The following SESN3 variants were observed in gnomAD, a reference collection of about 807,000 sequenced individuals.
SESN3 encodes the protein sestrin-3.
SESN3 carries 21 observed loss-of-function variants against 55.3 expected under a neutral mutation model. The observed-to-expected ratio is 0.38, with a 90% CI of 0.27 to 0.55. SESN3 has a LOEUF of 0.55. SESN3 is among the 20% of genes least tolerant of loss of function. The probability of loss-of-function intolerance (pLI) is 0.76; values close to 1 mark genes in which losing one functional copy is unlikely to be tolerated. For missense variants in SESN3, 408 were observed against 604.3 expected (o/e 0.68, Z 3.41); for synonymous variants, 181 against 203.1 (o/e 0.89, Z 0.93).
chr11:95,218,379 T>C (rs1209295357), intron 1 of SESN3, among the ~76,000 whole-genome samples: 3 of 152,252 alleles, frequency 2.0e-5, no homozygotes, highest in African/African-American at 4.8e-5. Context: ...GTAAAAACTC[T>C]GATGTTCTCA....
intron 4 of SESN3, among the ~76,000 whole-genome samples, chr11:95,189,267 C>T (rs12286989): frequency 7.0e-4 from 106 of 152,058 alleles, no homozygotes; most frequent in African/African-American, 2.4e-3. Flanking sequence ...CTCTATTTCT[C>T]GTCTAAGCTC....
chr11:95,213,393 C>A (rs920394086), intron 1 of SESN3, among the ~76,000 whole-genome samples: 6 of 152,116 alleles, frequency 3.9e-5, no homozygotes, highest in African/African-American at 1.4e-4. Context: ...AACAACTTTA[C>A]AAAGGAAAAA....
intron 1 of SESN3, among the ~76,000 whole-genome samples, chr11:95,208,060 A>AT (rs11375358): frequency 0.88 from 132,348 of 151,126 alleles, 58,376 homozygotes; most frequent in Middle Eastern, 0.93. Context: ...TATTGTCAGG[A>AT]TTATGGTATT....
In SESN3 at chr11:95,170,446, C is replaced by T. The variant is rs1859828623; in HGVS notation, c.*2809G>A. On this transcript the variant is annotated 3_prime_UTR_variant, in exon 10 of 10. Coordinates refer to ENST00000536441, the MANE Select transcript of SESN3 (RefSeq NM_144665.4). ...TGTGCTTTTCTCACGTACACTTGCA[C>T]ATTTAAGTTTGGCACAATGTGAGCG... 1 of 152,180 alleles carries T rather than the reference C, an allele frequency of 6.6e-6. No individual in the cohort carries two copies. The highest frequency in any genetic ancestry group is 1.5e-5 in the Non-Finnish European group (1 of 68,024). The allele number at this position is 152,180 out of a possible 1,614,324, so 9.4% of individuals were successfully genotyped here.
At chr11:95,195,987 TTAA>T (rs1393178395) in intron 1 of SESN3, among the ~76,000 whole-genome samples, 1 of 152,188 alleles carries the variant, frequency 6.6e-6, no homozygotes, top group African/African-American at 2.4e-5. Context: ...ATCTGTGTTT[TTAA>T]TAGTGTTGAG....
At chr11:95,193,391 T>C in intron 2 of SESN3, 66 bp downstream of exon 2, 2 of 909,476 alleles carry the variant, frequency 2.2e-6, no homozygotes, top group Non-Finnish European at 1.8e-6. Flanking sequence ...TAACAGGAGA[T>C]ATTCTTTGAT....
At chr11:95,188,296 TTATA>T (rs1860204136) in intron 4 of SESN3, among the ~76,000 whole-genome samples, 1 of 151,576 alleles carries the variant, frequency 6.6e-6, no homozygotes, top group Admixed American at 6.6e-5. Context: ...TATAGAATAT[TTATA>T]TATGTGTACC....
intron 1 of SESN3, chr11:95,204,058 C>T (rs1206967951): frequency 1.3e-5 from 2 of 152,070 alleles, no homozygotes; most frequent in South Asian, 2.1e-4. Context: ...AGAATATGTC[C>T]TTATATTTTA....
chr11:95,216,584 T>C (rs754689547), intron 1 of SESN3, among the ~76,000 whole-genome samples: 1 of 151,974 alleles, frequency 6.6e-6, no homozygotes, highest in African/African-American at 2.4e-5. Flanking sequence ...CTATAAATAA[T>C]CTATATCTAA....
At chr11:95,222,536 T>G (rs533936804) in intron 1 of SESN3, among the ~76,000 whole-genome samples, 10 of 152,328 alleles carry the variant, frequency 6.6e-5, no homozygotes, top group African/African-American at 2.4e-4. Context: ...ACTACTGATA[T>G]TTTTAAAATA....
In SESN3 at chr11:95,187,014, A is replaced by AT. The variant is rs575737284; in HGVS notation, c.526-1523dup. Reference sequence around the variant, plus strand: ...AACCACACATATCTATATTTTTCTGATTTTCAAATTTGACATTTTGACATG... The same window carrying AT: ...AACCACACATATCTATATTTTTCTGATTTTTCAAATTTGACATTTTGACATG... On this transcript the variant is annotated intron_variant, in intron 4 of 9. Coordinates refer to ENST00000536441, the MANE Select transcript of SESN3 (RefSeq NM_144665.4). 6.6e-3 allele frequency among the ~76,000 whole-genome samples: 1,007 copies of AT among 151,842 alleles called. 8 individuals carry two copies. The highest frequency in any genetic ancestry group is 0.011 in the Non-Finnish European group (744 of 67,778).
Position 95,230,620 on chromosome 11 carries a change from A to G in SESN3, c.78+163T>C. The G allele has an allele frequency of 1.7e-6, 1 of 574,682 alleles. No homozygotes were observed. Among genetic ancestry groups the G allele is most frequent in the Non-Finnish European group, 3.0e-6 (1 of 331,922 alleles). The allele number at this position is 574,682 out of a possible 1,614,324, so 35.6% of individuals were successfully genotyped here. On this transcript the variant is annotated intron_variant, in intron 1 of 9. Coordinates refer to ENST00000536441, the MANE Select transcript of SESN3 (RefSeq NM_144665.4). The surrounding 1 kb of genome is among the most constrained non-coding windows in gnomAD (Gnocchi z 4.6). ...GAAATAAAAAGCCGCAGTAGTCCAA[A>G]CCCTCCTGCCCTCAACCCACGCCCC...
At chr11:95,222,120 C>T (rs139042399) in intron 1 of SESN3, among the ~76,000 whole-genome samples, 245 of 152,274 alleles carry the variant, frequency 1.6e-3, no homozygotes, top group Admixed American at 2.6e-3. Flanking sequence ...ACAGCCATCC[C>T]TTATAAAACA....
upstream of SESN3, chr11:95,231,245 TC>T (rs1861062221): frequency 5.1e-6 from 2 of 394,118 alleles, no homozygotes; most frequent in African/African-American, 4.2e-5. Context: ...ACCTCCACGC[TC>T]CGGTACCGCC....
chr11:95,176,802 G>T (rs1464260332), intron 8 of SESN3, among the ~76,000 whole-genome samples: 3 of 152,184 alleles, frequency 2.0e-5, no homozygotes, highest in Non-Finnish European at 4.4e-5. Flanking sequence ...TTTTTCTTAA[G>T]TAGGTAGATA....
chr11:95,231,225 C>T (rs962791487), upstream of SESN3: 4 of 405,596 alleles, frequency 9.9e-6, no homozygotes, highest in Non-Finnish European at 1.7e-5. Flanking sequence ...GCCGCCCCAC[C>T]ACCTTCACCA....
intron 1 of SESN3, among the ~76,000 whole-genome samples, chr11:95,221,674 T>C (rs1860861852): frequency 6.6e-6 from 1 of 152,258 alleles, no homozygotes; most frequent in Admixed American, 6.5e-5. Context: ...TATTCACATA[T>C]GATATTTTCA....
At chr11:95,197,293 C>T (rs977220100) in intron 1 of SESN3, among the ~76,000 whole-genome samples, 7 of 152,110 alleles carry the variant, frequency 4.6e-5, no homozygotes, top group African/African-American at 1.4e-4. Context: ...GTCTAGGAAC[C>T]ACCATTCTAC....
chr11:95,226,471 A>G (rs1191226075), intron 1 of SESN3, among the ~76,000 whole-genome samples: 2 of 152,184 alleles, frequency 1.3e-5, no homozygotes, highest in Non-Finnish European at 2.9e-5. Context: ...TACAAATTAA[A>G]TCTTCTATTG....
Sources: allele counts gnomAD v4.1 joint callset (sites outside exome capture counted in the v4.1 genomes callset), GRCh38; gene constraint gnomAD v4.1.1; non-coding constraint Gnocchi (gnomAD v3.1); transcripts MANE v1.5; gene names NCBI Gene and HGNC (gene_info 2026-07-23, HGNC 2026-07-21).